The following AGO3 variants were observed in gnomAD, a reference collection of about 807,000 sequenced individuals.
The protein encoded by AGO3 is protein argonaute-3.
AGO3 carries 16 observed loss-of-function variants against 105.5 expected under a neutral mutation model. That is an observed-to-expected ratio of 0.15 (90% confidence interval 0.10 to 0.23). AGO3 has a LOEUF of 0.23. Among genes scored for constraint, AGO3 ranks in the 10% least tolerant of loss-of-function variants. AGO3 has a pLI of 1.00. For synonymous variants in AGO3, 340 were observed against 367.3 expected (o/e 0.93, Z 0.85); for missense variants, 534 against 1,088.0 (o/e 0.49, Z 7.16).
At chr1:35,955,357 T>G (rs1646545120) in intron 2 of AGO3, among the ~76,000 whole-genome samples, 1 of 152,196 alleles carries the variant, frequency 6.6e-6, no homozygotes, top group African/African-American at 2.4e-5. Flanking sequence ...TAGATATAAA[T>G]GCACACACAT....
At position 35,983,409 on chromosome 1, in the gene AGO3, CAAAAAAAAAAA is replaced by C. The variant is rs765271951; in HGVS notation, c.658+9908_658+9918del. The C allele has an allele frequency of 1.6e-4, 10 of 60,720 alleles. No individual in the cohort carries two copies. The East Asian group carries it at 2.1e-3, about 13-fold the overall frequency. 3.8% of individuals were successfully genotyped at this position (60,720 alleles called of 1,614,324 possible). On this transcript the variant is annotated intron_variant, in intron 5 of 18. Coordinates refer to ENST00000373191, the MANE Select transcript of AGO3 (RefSeq NM_024852.4). The stretch of plus-strand genomic sequence containing the variant: ...CAACATAGTGAGACCTGATCTCTAC[CAAAAAAAAAAA>C]AAAAAAAAAGAAAAAGAAAAAAATT...
In AGO3 at chr1:36,065,920, T is replaced by C. The variant is rs1448971270; in HGVS notation, c.*10175T>C. On this transcript the variant is annotated 3_prime_UTR_variant, in exon 19 of 19. Transcript: ENST00000373191. The stretch of plus-strand genomic sequence containing the variant: ...GAGTTCAAGACCAGCCTGGCCAACA[T>C]GGCAAAACCCTGTCTCTTCTAAAAA... 1 of 151,770 alleles carries C rather than the reference T, an allele frequency of 6.6e-6. No homozygotes were observed. Among genetic ancestry groups the C allele is most frequent in the African/African-American group, 2.4e-5 (1 of 41,208 alleles). 9.4% of individuals were successfully genotyped at this position (151,770 alleles called of 1,614,324 possible).
At chr1:35,955,410 T>G (rs949863136) in intron 2 of AGO3, among the ~76,000 whole-genome samples, 6 of 152,180 alleles carry the variant, frequency 3.9e-5, no homozygotes, top group African/African-American at 1.4e-4. Flanking sequence ...TGTTTTAATA[T>G]GTAACTGTAG....
chr1:36,055,264 C>A lies in AGO3; in HGVS notation c.2474+119C>A. The A allele has an allele frequency of 9.3e-7, 1 of 1,075,818 alleles. No homozygotes were observed. The highest frequency in any genetic ancestry group is 1.3e-6 in the Non-Finnish European group (1 of 744,402). 66.6% of individuals were successfully genotyped at this position (1,075,818 alleles called of 1,614,324 possible). ...ATCCATGTGAAAAATGATGACAGAA[C>A]TGACTGCCCAAGGTTTCCTATTGAA... On this transcript the variant is annotated intron_variant, in intron 18 of 18. Transcript: ENST00000373191. This position sits in a 1 kb window ranked among gnomAD's most constrained non-coding sequence, Gnocchi z 4.4.
chr1:36,003,082 A>G (rs1254849287), intron 5 of AGO3, among the ~76,000 whole-genome samples: 1 of 152,042 alleles, frequency 6.6e-6, no homozygotes, highest in Admixed American at 6.6e-5. Flanking sequence ...AAAATAAATA[A>G]ATAGATAAAT....
chr1:35,934,656 A>AT (rs978560374), intron 1 of AGO3, among the ~76,000 whole-genome samples: 4 of 151,684 alleles, frequency 2.6e-5, no homozygotes, highest in Non-Finnish European at 4.4e-5. Context: ...TTATTTATTT[A>AT]TTTTTTTTGA....
intron 14 of AGO3, among the ~76,000 whole-genome samples, chr1:36,037,803 T>C (rs1642076911): frequency 1.3e-5 from 2 of 152,230 alleles, no homozygotes; most frequent in Admixed American, 1.3e-4. Context: ...TTCTTATAGA[T>C]GATAAAATGA....
chr1:36,021,652 T>C (rs569875553), intron 11 of AGO3, among the ~76,000 whole-genome samples: 1 of 152,290 alleles, frequency 6.6e-6, no homozygotes, highest in Non-Finnish European at 1.5e-5. Flanking sequence ...AATTTTGAAT[T>C]TGAAATTTGA....
chr1:35,941,460 C>T (rs1646253810), intron 1 of AGO3, among the ~76,000 whole-genome samples: 2 of 152,114 alleles, frequency 1.3e-5, no homozygotes, highest in Non-Finnish European at 2.9e-5. Context: ...AGAGGGCTGA[C>T]ACTATCTAAC....
At chr1:35,967,345 T>G (rs1646791931) in intron 3 of AGO3, among the ~76,000 whole-genome samples, 1 of 152,180 alleles carries the variant, frequency 6.6e-6, no homozygotes, top group South Asian at 2.1e-4. Context: ...ACATACATAC[T>G]TATTTTTTCC....
At chr1:35,949,741 C>G (rs1437974944) in intron 2 of AGO3, among the ~76,000 whole-genome samples, 2 of 152,186 alleles carry the variant, frequency 1.3e-5, no homozygotes, top group Non-Finnish European at 2.9e-5. Context: ...TCCACTTAAG[C>G]CTCCTGAGTA....
Position 35,931,212 on chromosome 1 carries a change from C to A in AGO3, c.-215C>A. ...CCCCTCTGTCCGCGCCTCACATCTC[C>A]CCTTCCTCTCGCCTAGTCCTGTGCC... On this transcript the variant is annotated 5_prime_UTR_variant, in exon 1 of 19. Transcript: ENST00000373191. 1 of 409,218 alleles carries A rather than the reference C, an allele frequency of 2.4e-6. No homozygotes were observed. Among genetic ancestry groups the A allele is most frequent in the Non-Finnish European group, 4.3e-6 (1 of 230,396 alleles). 25.3% of individuals were successfully genotyped at this position (409,218 alleles called of 1,614,324 possible).
Position 36,043,304 on chromosome 1 carries a change from T to G in AGO3, c.2173-143T>G, listed in dbSNP as rs577303002. 46 of 667,192 alleles carry G rather than the reference T, an allele frequency of 6.9e-5. 1 individual carries two copies. The South Asian group carries it at 8.1e-4, about 12-fold the overall frequency. The allele number at this position is 667,192 out of a possible 1,614,324, so 41.3% of individuals were successfully genotyped here. The stretch of plus-strand genomic sequence containing the variant: ...AGGAACTAGGACCTGCGTAGTCTGC[T>G]CTGAATGACTGCTTAAGTCATATTT... On this transcript the variant is annotated intron_variant, in intron 16 of 18. Coordinates refer to ENST00000373191, the MANE Select transcript of AGO3 (RefSeq NM_024852.4).
At position 36,003,709 on chromosome 1, in the gene AGO3, A is replaced by AAAAAAATATATAT. The variant is rs1295618675; in HGVS notation, c.659-631_659-630insAAAAATATATATA. 1.5e-4 allele frequency among the ~76,000 whole-genome samples: 15 copies of AAAAAAATATATAT among 99,430 alleles called. No homozygotes were observed. The East Asian group carries it at 2.3e-3, about 16-fold the overall frequency. 65.2% of individuals were successfully genotyped at this position (99,430 alleles called of 152,430 possible). A position where few individuals can be genotyped will look rare whatever the true frequency, so the allele number is the denominator to read the frequency against. On this transcript the variant is annotated intron_variant, in intron 5 of 18. Transcript: ENST00000373191. Reference sequence around the variant, plus strand: ...AAGTCTGTCTCAAAAAAAAAAAAAAAATATATATATATATATATATATATA... The same window carrying AAAAAAATATATAT: ...AAGTCTGTCTCAAAAAAAAAAAAAAAAAAAAATATATATATATATATATATATATATATATATA...
intron 12 of AGO3, among the ~76,000 whole-genome samples, chr1:36,031,180 G>T (rs970066033): frequency 1.3e-5 from 2 of 151,738 alleles, no homozygotes; most frequent in Non-Finnish European, 2.9e-5. Flanking sequence ...GTTTTGTTTT[G>T]TTTTTTAGAG....
chr1:36,034,661 A>G (rs910489596), intron 13 of AGO3, among the ~76,000 whole-genome samples: 1 of 152,224 alleles, frequency 6.6e-6, no homozygotes, highest in African/African-American at 2.4e-5. Flanking sequence ...TTTAGTATGC[A>G]AAGTACCTCT....
Position 35,997,867 on chromosome 1 carries a change from TTG to T in AGO3, c.659-6470_659-6469del, listed in dbSNP as rs901326952. On this transcript the variant is annotated intron_variant, in intron 5 of 18. Coordinates refer to ENST00000373191, the MANE Select transcript of AGO3 (RefSeq NM_024852.4). ...GCCTGCCACCACGCCCAGCTAATTT[TTG>T]TGTTTTTAGTAGAGACAGGGTTTCA... Among the ~76,000 whole-genome samples, 3 of 152,120 alleles carry T rather than the reference TTG, an allele frequency of 2.0e-5. No individual in the cohort carries two copies. In the East Asian group the frequency reaches 5.8e-4, roughly 29 times the overall value.
At chr1:35,958,495 T>C (rs766809758) in intron 2 of AGO3, among the ~76,000 whole-genome samples, 4 of 152,030 alleles carry the variant, frequency 2.6e-5, no homozygotes, top group Non-Finnish European at 5.9e-5. Context: ...ACTCTGTCTC[T>C]ACAAGAAATA....
At chr1:36,000,070 A>G (rs907684355) in intron 5 of AGO3, among the ~76,000 whole-genome samples, 2 of 152,174 alleles carry the variant, frequency 1.3e-5, no homozygotes, top group African/African-American at 2.4e-5. Flanking sequence ...GGGGACTGCC[A>G]TCTATGGAAA....
Sources: allele counts gnomAD v4.1 joint callset (sites outside exome capture counted in the v4.1 genomes callset), GRCh38; gene constraint gnomAD v4.1.1; non-coding constraint Gnocchi (gnomAD v3.1); transcripts MANE v1.5; gene names NCBI Gene and HGNC (gene_info 2026-07-23, HGNC 2026-07-21).